Variants in FBXO15 observed in about 807,000 individuals in gnomAD.
The protein encoded by FBXO15 is F-box protein 15, also known as F-box only protein 15.
In FBXO15, 30 loss-of-function variants were observed where a neutral mutation model predicts 49.5. That is an observed-to-expected ratio of 0.61 (90% CI 0.45 to 0.82). FBXO15 has a LOEUF of 0.82. Among genes scored for constraint, FBXO15 ranks in the 40% least tolerant of loss-of-function variants. The pLI, the probability that FBXO15 is intolerant of heterozygous loss-of-function variation, is 0.00. For missense variants in FBXO15, 591 were observed against 631.5 expected (o/e 0.94, Z 0.69); for synonymous variants, 250 against 232.7 (o/e 1.07, Z -0.68).
At chr18:74,116,705 A>G (rs1411834422) in intron 8 of FBXO15, among the ~76,000 whole-genome samples, 1 of 151,774 alleles carries the variant, frequency 6.6e-6, no homozygotes, top group Non-Finnish European at 1.5e-5. Context: ...CTCCCCACTC[A>G]TGCTTGTGCC....
intron 1 of FBXO15, among the ~76,000 whole-genome samples, chr18:74,147,339 G>A (rs1228322033): frequency 6.6e-6 from 1 of 152,100 alleles, no homozygotes; most frequent in Non-Finnish European, 1.5e-5. Flanking sequence ...CGAAGGCAGG[G>A]GCGGAGCACA....
intron 8 of FBXO15, among the ~76,000 whole-genome samples, chr18:74,114,105 T>G (rs1914134600): frequency 6.6e-6 from 1 of 152,164 alleles, no homozygotes; most frequent in African/African-American, 2.4e-5. Flanking sequence ...ATTTGTACAG[T>G]GTGGTTAATG....
intron 3 of FBXO15, 138 bp downstream of exon 3, chr18:74,135,624 G>A (rs1473780545): frequency 4.1e-5 from 27 of 657,130 alleles, no homozygotes; most frequent in Middle Eastern, 2.5e-4. Flanking sequence ...CATAGTTAAA[G>A]CATTTGACAT....
In FBXO15 at chr18:74,144,644, C is replaced by A. The variant is rs559691417; in HGVS notation, c.116+3026G>T. On this transcript the variant is annotated intron_variant, in intron 1 of 9. Coordinates refer to ENST00000419743, the MANE Select transcript of FBXO15 (RefSeq NM_001142958.2). Reference sequence around the variant, plus strand: ...TAAAAATTAAAGCAAATACTGCATTCTACTAAATAATCTGTCTTTGTCCTA... The same window carrying A: ...TAAAAATTAAAGCAAATACTGCATTATACTAAATAATCTGTCTTTGTCCTA... 2.0e-5 allele frequency among the ~76,000 whole-genome samples: 3 copies of A among 146,844 alleles called. No individual in the cohort carries two copies. The South Asian group carries it at 6.4e-4, about 31-fold the overall frequency.
intron 8 of FBXO15, chr18:74,122,527 A>G (rs1914518399): frequency 6.6e-6 from 1 of 152,244 alleles, no homozygotes; most frequent in South Asian, 2.1e-4. Context: ...AAAATATTTG[A>G]TTTAGGCACA....
At chr18:74,136,474 A>C (rs2145216343) in intron 2 of FBXO15, among the ~76,000 whole-genome samples, 1 of 152,364 alleles carries the variant, frequency 6.6e-6, no homozygotes. Context: ...AGAAAAACAC[A>C]GAATCTCTTT....
At chr18:74,101,776 C>G (rs186436110) in intron 8 of FBXO15, among the ~76,000 whole-genome samples, 129 of 152,262 alleles carry the variant, frequency 8.5e-4, no homozygotes, top group African/African-American at 3.0e-3. Context: ...GCACATAGAC[C>G]AGTGGAACAG....
chr18:74,115,478 T>C (rs2145173758), intron 8 of FBXO15, among the ~76,000 whole-genome samples: 1 of 152,318 alleles, frequency 6.6e-6, no homozygotes, highest in Middle Eastern at 3.4e-3. Context: ...GGATATTTTG[T>C]TCAGAGAAAA....
intron 8 of FBXO15, among the ~76,000 whole-genome samples, chr18:74,100,394 C>T (rs1177874364): frequency 1.3e-5 from 2 of 151,930 alleles, no homozygotes; most frequent in African/African-American, 2.4e-5. Context: ...ACCTATCAAA[C>T]CTCTAGGATA....
At chr18:74,108,170 A>T (rs1283670479) in intron 8 of FBXO15, among the ~76,000 whole-genome samples, 1 of 152,210 alleles carries the variant, frequency 6.6e-6, no homozygotes, top group Non-Finnish European at 1.5e-5. Flanking sequence ...CAAAACACAC[A>T]GTATGAAGAG....
chr18:74,080,159 T>A (rs1720580333), intron 9 of FBXO15, among the ~76,000 whole-genome samples: 1 of 152,218 alleles, frequency 6.6e-6, no homozygotes, highest in African/African-American at 2.4e-5. Context: ...CCAAGCAATT[T>A]CTTAAAATAA....
intron 9 of FBXO15, among the ~76,000 whole-genome samples, chr18:74,080,190 T>C (rs1250682155): frequency 6.6e-6 from 1 of 152,232 alleles, no homozygotes; most frequent in Non-Finnish European, 1.5e-5. Context: ...TTCACTATTC[T>C]TAGGGTGATC....
intron 3 of FBXO15, among the ~76,000 whole-genome samples, chr18:74,133,958 C>A (rs1181520037): frequency 6.6e-6 from 1 of 152,166 alleles, no homozygotes; most frequent in African/African-American, 2.4e-5. Context: ...CAAATTTCAA[C>A]ATGAGGCTTG....
chr18:74,126,767 TTAAA>T (rs1816641745), intron 5 of FBXO15, among the ~76,000 whole-genome samples: 1 of 152,186 alleles, frequency 6.6e-6, no homozygotes, highest in South Asian at 2.1e-4. Context: ...CAAAGGTACA[TTAAA>T]TAAATAAGTT....
chr18:74,117,543 G>A (rs766001850), intron 8 of FBXO15, among the ~76,000 whole-genome samples: 6 of 152,070 alleles, frequency 3.9e-5, no homozygotes, highest in African/African-American at 7.2e-5. Flanking sequence ...CATATTACAG[G>A]AAGCAGGACA....
At position 74,147,675 on chromosome 18, in the gene FBXO15, C is replaced by A; in HGVS notation, c.111G>T (p.Gly37=). The A allele has an allele frequency of 6.7e-7, 1 of 1,482,390 alleles. No homozygotes were observed. Among genetic ancestry groups the A allele is most frequent in the Non-Finnish European group, 8.9e-7 (1 of 1,121,610 alleles). The allele number at this position is 1,482,390 out of a possible 1,614,324, so 91.8% of individuals were successfully genotyped here. The change falls in exon 1 of 10, where the codon GGG becomes GGT. Residue 37 remains glycine (G), a synonymous_variant. Transcript: ENST00000419743. ...GAARGRARAF[G]CRKGPGVKLS... ...CCCGCAGGCCCTACAGTCACCTGCA[C>A]CCAAAGGCCCTGGCGCGCCCCCGGG... is the stretch of plus-strand genomic sequence containing the variant.
chr18:74,147,481 T>C (rs1284255392), intron 1 of FBXO15, 189 bp downstream of exon 1: 2 of 1,227,154 alleles, frequency 1.6e-6, no homozygotes, highest in South Asian at 3.9e-5. Context: ...ATTTGTGTCA[T>C]AACTTAGGGT....
chr18:74,083,538 A>G (rs954332474), intron 8 of FBXO15, among the ~76,000 whole-genome samples: 10 of 152,216 alleles, frequency 6.6e-5, no homozygotes, highest in Admixed American at 6.5e-4. Context: ...CCAGGAGCTC[A>G]TCTTCCACAC....
chr18:74,088,965 T>C (rs1172680476), intron 8 of FBXO15, among the ~76,000 whole-genome samples: 1 of 152,136 alleles, frequency 6.6e-6, no homozygotes, highest in Non-Finnish European at 1.5e-5. Context: ...TATTTGTAGG[T>C]ATTTTATTCT....
Sources: gnomAD v4.1 joint callset for allele counts (sites outside exome capture counted in the v4.1 genomes callset) on GRCh38, gnomAD v4.1.1 for gene constraint, MANE v1.5 for transcripts, NCBI Gene and HGNC (gene_info 2026-07-23, HGNC 2026-07-21) for gene names.